The following CFAP47 variants were observed in gnomAD, a reference collection of about 807,000 sequenced individuals.
CFAP47 encodes cilia- and flagella-associated protein 47.
In CFAP47, 29 loss-of-function variants were observed where a neutral mutation model predicts 148.1. That is an observed-to-expected ratio of 0.20 (90% CI 0.15 to 0.27). CFAP47 has a LOEUF of 0.27. Ranked by LOEUF, CFAP47 falls within the 10% of genes least tolerant of loss-of-function variation. CFAP47 has a pLI of 1.00. For missense variants in CFAP47, 1,872 were observed against 1,697.5 expected (o/e 1.10, Z -1.81); for synonymous variants, 664 against 577.3 (o/e 1.15, Z -2.15).
At chrX:36,143,216 TG>T (rs916038737) in intron 35 of CFAP47, among the ~76,000 whole-genome samples, 6 of 112,227 alleles carry the variant, frequency 5.3e-5, no homozygotes, top group Admixed American at 2.8e-4. Context: ...GTCAGTCTTT[TG>T]CCCAGGCACC....
In CFAP47 at chrX:36,200,402, G is replaced by A. The variant is rs1290982428; in HGVS notation, c.6345G>A (p.Ala2115=). 1.0e-5 allele frequency: 3 copies of A among 294,703 alleles called. No homozygotes were observed. The highest frequency in any genetic ancestry group is 6.2e-5 in the Admixed American group (1 of 16,038). The allele number at this position is 294,703 out of a possible 1,213,427, so 24.3% of individuals were successfully genotyped here. ...NKKIGQLIYV[A]EGKGMTPLPS... The stretch of plus-strand genomic sequence containing the variant: ...AGATTGGACAATTAATATATGTTGC[G>A]GAAGGAAAAGGTATGACCCCCTTGC... Residue 2115 remains alanine, a synonymous_variant, in exon 43 of 64, where the codon GCG becomes GCA. Coordinates refer to ENST00000378653, the MANE Select transcript of CFAP47 (RefSeq NM_001304548.2).
chrX:36,040,579 G>T (rs1937391414), intron 25 of CFAP47, among the ~76,000 whole-genome samples: 1 of 110,616 alleles, frequency 9.0e-6, no homozygotes, highest in Admixed American at 9.7e-5. Context: ...ATTTTTAAAG[G>T]GTTGACATAA....
At position 35,958,795 on chromosome X, in the gene CFAP47, G is replaced by T. The variant is rs180816317; in HGVS notation, c.1410+2599G>T. On this transcript the variant is annotated intron_variant, in intron 8 of 63. Transcript: ENST00000378653. ...ATGTTCTATGGCAAAGCAGAATTCA[G>T]GTTTCACTTGAAATTAAGACTGTTA... is the stretch of plus-strand genomic sequence containing the variant. Among the ~76,000 whole-genome samples, 32 of 112,006 alleles carry T rather than the reference G, an allele frequency of 2.9e-4. 1 individual carries two copies. The highest frequency in any genetic ancestry group is 1.4e-3 in the Admixed American group (15 of 10,554).
chrX:36,324,336 G>A (rs1431125984), intron 57 of CFAP47, among the ~76,000 whole-genome samples: 1 of 111,210 alleles, frequency 9.0e-6, no homozygotes, highest in Admixed American at 9.6e-5. Context: ...AAAGTTGGAG[G>A]TTTAGCATTA....
chrX:35,924,298 C>CATATATGTGTATATGT (rs1935678079), intron 1 of CFAP47, among the ~76,000 whole-genome samples: 1 of 98,371 alleles, frequency 1.0e-5, no homozygotes, highest in African/African-American at 4.6e-5. Context: ...TGTATGTGTA[C>CATATATGTGTATATGT]ACATATGTAT....
At chrX:36,384,500 G>A (rs1023051989) in intron 63 of CFAP47, among the ~76,000 whole-genome samples, 3 of 111,844 alleles carry the variant, frequency 2.7e-5, no homozygotes, top group South Asian at 3.7e-4. Flanking sequence ...ATTAGTTGGC[G>A]TTCATACTGT....
chrX:35,969,128 TA>T (rs1340596409), intron 10 of CFAP47, among the ~76,000 whole-genome samples: 1 of 111,277 alleles, frequency 9.0e-6, no homozygotes, highest in East Asian at 2.8e-4. Context: ...GCCAAGTATT[TA>T]CTATTTATCC....
intron 37 of CFAP47, among the ~76,000 whole-genome samples, chrX:36,156,191 C>T (rs915674681): frequency 9.1e-6 from 1 of 110,215 alleles, no homozygotes; most frequent in Non-Finnish European, 1.9e-5. Context: ...TTTACAAATA[C>T]GACTCAGAAA....
intron 45 of CFAP47, among the ~76,000 whole-genome samples, chrX:36,216,576 G>A (rs1602050981): frequency 8.9e-6 from 1 of 112,222 alleles, no homozygotes; most frequent in African/African-American, 3.2e-5. Context: ...TTTATGCAGA[G>A]CTGGCTGTAT....
chrX:36,229,565 T>A (rs1940313746), intron 46 of CFAP47, among the ~76,000 whole-genome samples: 1 of 111,662 alleles, frequency 9.0e-6, no homozygotes, highest in Non-Finnish European at 1.9e-5. Context: ...GAACATGTAG[T>A]CATCATTATG....
At chrX:35,963,855 A>G (rs770280895) in intron 8 of CFAP47, among the ~76,000 whole-genome samples, 19 of 111,495 alleles carry the variant, frequency 1.7e-4, no homozygotes, top group Non-Finnish European at 3.2e-4. Context: ...CTTTTGCTCC[A>G]ATAGAATTAT....
At chrX:36,150,418 A>G (rs1220701359) in intron 37 of CFAP47, among the ~76,000 whole-genome samples, 1 of 112,240 alleles carries the variant, frequency 8.9e-6, no homozygotes, top group Admixed American at 9.5e-5. Context: ...GACAAATTTG[A>G]TAACTACTAA....
intron 42 of CFAP47, among the ~76,000 whole-genome samples, chrX:36,199,291 T>C (rs1033688081): frequency 1.8e-5 from 2 of 112,028 alleles, no homozygotes; most frequent in South Asian, 7.4e-4. Flanking sequence ...GAAACTGGAT[T>C]TCAGAGGTTT....
Position 36,073,125 on chromosome X carries a change from A to T in CFAP47, c.4466-14A>T, listed in dbSNP as rs777352437. The T allele has an allele frequency of 2.4e-5, 28 of 1,159,915 alleles. No individual in the cohort carries two copies. The African/African-American group carries it at 3.9e-4, about 16-fold the overall frequency. Reference sequence around the variant, plus strand: ...TCAAGTAGCCCTTTTTTAACAAACTAATTTTAATTTTAGGAGTGGAAGTAC... The same window carrying T: ...TCAAGTAGCCCTTTTTTAACAAACTTATTTTAATTTTAGGAGTGGAAGTAC... On this transcript the variant is annotated splice_polypyrimidine_tract_variant and intron_variant, in intron 28 of 63. Coordinates refer to ENST00000378653, the MANE Select transcript of CFAP47 (RefSeq NM_001304548.2).
chrX:35,925,871 G>A (rs1016113064), intron 1 of CFAP47, 146 bp from the exon 2 acceptor site: 2 of 396,679 alleles, frequency 5.0e-6, no homozygotes, highest in Admixed American at 9.5e-5. Flanking sequence ...TGGCCAGGAT[G>A]GTCTCGATCT....
intron 46 of CFAP47, among the ~76,000 whole-genome samples, chrX:36,234,173 T>C (rs1365933876): frequency 9.2e-6 from 1 of 108,865 alleles, no homozygotes; most frequent in African/African-American, 3.4e-5. Flanking sequence ...CCTTGCTAGA[T>C]TGGGGAAGTT....
intron 17 of CFAP47, among the ~76,000 whole-genome samples, chrX:35,992,162 C>T (rs1936796848): frequency 9.0e-6 from 1 of 110,623 alleles, no homozygotes; most frequent in South Asian, 3.8e-4. Context: ...CCCTTTTATT[C>T]TTTCTGTTAT....
In CFAP47 at chrX:36,046,875, G is replaced by A. The variant is rs1601946723; in HGVS notation, c.4029G>A (p.Gln1343=). ...NYFRNSTLCV[Q]IPTVRLLDGE... The stretch of plus-strand genomic sequence containing the variant: ...ACAGAAATTCAACTCTATGTGTCCA[G>A]ATTCCCACAGTAAGGCTTCTTGATG... The change falls in exon 26 of 64, where the codon CAG becomes CAA. Residue 1343 remains glutamine, a synonymous_variant. Transcript: ENST00000378653. The A allele has an allele frequency of 8.6e-7, 1 of 1,161,160 alleles. No individual in the cohort carries two copies. The highest frequency in any genetic ancestry group is 1.2e-6 in the Non-Finnish European group (1 of 869,040).
At chrX:36,221,451 A>G (rs907617852) in intron 45 of CFAP47, among the ~76,000 whole-genome samples, 2 of 111,801 alleles carry the variant, frequency 1.8e-5, no homozygotes, top group Admixed American at 1.9e-4. Flanking sequence ...TGATGAATTC[A>G]ATAGAATTCA....
Sources: allele counts gnomAD v4.1 joint callset (sites outside exome capture counted in the v4.1 genomes callset), GRCh38; gene constraint gnomAD v4.1.1; transcripts MANE v1.5; gene names NCBI Gene and HGNC (gene_info 2026-07-23, HGNC 2026-07-21).